CLN3: variants seen among roughly 807,000 people sequenced by gnomAD.
CLN3 encodes CLN3 lysosomal/endosomal transmembrane protein, battenin.
In CLN3, 49 loss-of-function variants were observed where a neutral mutation model predicts 60.7. The ratio of observed to expected loss-of-function variants is 0.81; its 90% CI spans 0.64 to 1.02. The LOEUF is 1.02. Ranked by LOEUF, CLN3 falls within the 50% of genes least tolerant of loss-of-function variation. CLN3 has a pLI of 0.00. For synonymous variants in CLN3, 256 were observed against 245.8 expected, an observed-to-expected ratio of 1.04 and a Z score of -0.39; for missense variants, 516 against 557.4, an observed-to-expected ratio of 0.93 and a Z score of 0.75.
chr16:28,484,294 G>C (rs1049976968), intron 9 of CLN3, 176 bp from the exon 10 acceptor site: 1 of 635,058 alleles, frequency 1.6e-6, no homozygotes, highest in Non-Finnish European at 2.8e-6. Context: ...GTGGACAAAG[G>C]CTTCTTTCTT....
In CLN3 at chr16:28,477,454, G is replaced by T. The variant is rs2046011083; in HGVS notation, c.*62C>A. On this transcript the variant is annotated 3_prime_UTR_variant, in exon 16 of 16. Coordinates refer to ENST00000636147, the MANE Select transcript of CLN3 (RefSeq NM_001042432.2). ...ATGGAGGGTCTCTGGGGTGGGCCTG[G>T]GTGTCTGACCTGTCCCTCTGCCCAC... is the stretch of plus-strand genomic sequence containing the variant. The T allele has an allele frequency of 1.9e-6, 3 of 1,608,160 alleles. No homozygotes were observed. The African/African-American group carries it at 4.0e-5, about 22-fold the overall frequency.
At position 28,482,641 on chromosome 16, in the gene CLN3, C is replaced by T; in HGVS notation, c.822G>A (p.Arg274=). ...GSSSSLSLRE[R]WTVFKGLLWY... ...TCATCCGAACCTTGAACACTGTCCACCTTTCCCGAAGGGAGAGGCTGGAGC... is the reference window on the plus strand; with the variant it reads ...TCATCCGAACCTTGAACACTGTCCATCTTTCCCGAAGGGAGAGGCTGGAGC... The change falls in exon 11 of 16, where the codon AGG becomes AGA. Residue 274 remains arginine, a synonymous_variant. Coordinates refer to ENST00000636147, the MANE Select transcript of CLN3 (RefSeq NM_001042432.2). The T allele has an allele frequency of 6.2e-7, 1 of 1,614,202 alleles. No homozygotes were observed. The highest frequency in any genetic ancestry group is 8.5e-7 in the Non-Finnish European group (1 of 1,180,042).
chr16:28,485,156 G>C (rs2046183808), intron 9 of CLN3, among the ~76,000 whole-genome samples: 2 of 151,472 alleles, frequency 1.3e-5, no homozygotes, highest in African/African-American at 4.8e-5. Context: ...TATTGGCCAG[G>C]CTGGTCTCAA....
chr16:28,477,918 G>C, intron 14 of CLN3, 41 bp from the exon 15 acceptor site: 2 of 1,609,600 alleles, frequency 1.2e-6, no homozygotes, highest in South Asian at 1.1e-5. Flanking sequence ...ACCAGGGCGG[G>C]GCAGGGAAGG....
intron 7 of CLN3, 185 bp downstream of exon 7, chr16:28,487,271 T>C (rs2046235321): frequency 7.5e-6 from 5 of 666,266 alleles, no homozygotes; most frequent in Non-Finnish European, 1.1e-5. Context: ...TTTTCTCCCA[T>C]CTCCTCCACT....
Position 28,491,598 on chromosome 16 carries a change from C to G in CLN3, c.47-38G>C, listed in dbSNP as rs1482574534. ...GAAGAGGGCATGACCCCCACCTACT[C>G]TCAGGTGCACGACCGCTCCTTGCGT... On this transcript the variant is annotated intron_variant, in intron 2 of 15. Coordinates refer to ENST00000636147, the MANE Select transcript of CLN3 (RefSeq NM_001042432.2). 1.9e-6 allele frequency: 3 copies of G among 1,613,500 alleles called. No individual in the cohort carries two copies. The South Asian group carries it at 3.3e-5, about 18-fold the overall frequency.
chr16:28,482,452 A>T, intron 12 of CLN3, 25 bp downstream of exon 12: 1 of 1,613,830 alleles, frequency 6.2e-7, no homozygotes, highest in Non-Finnish European at 8.5e-7. Flanking sequence ...CCACCTCCAC[A>T]CCCCTCCTAG....
chr16:28,470,587 G>A (rs2045941037), downstream of CLN3: 2 of 51,630 alleles, frequency 3.9e-5, no homozygotes, highest in Non-Finnish European at 6.6e-5. Context: ...GGGAGGGGAA[G>A]GGGAGGGGGA....
At chr16:28,474,855 A>C (rs2045978486), downstream of CLN3, among the ~76,000 whole-genome samples, 1 of 152,194 alleles carries the variant, frequency 6.6e-6, no homozygotes, top group Non-Finnish European at 1.5e-5. Flanking sequence ...ATAATCCCAG[A>C]CCTTTGGGAG....
the CLN3 span, among the ~76,000 whole-genome samples, chr16:28,467,556 A>ATT: frequency 7.3e-6 from 1 of 137,560 alleles, no homozygotes; most frequent in African/African-American, 2.7e-5. Flanking sequence ...GTGCCCAGCC[A>ATT]TTTTTTTTTG....
chr16:28,477,758 G>A lies in CLN3; in HGVS notation c.1176C>T (p.Thr392=). The A allele has an allele frequency of 1.2e-6, 2 of 1,614,224 alleles. No homozygotes were observed. The highest frequency in any genetic ancestry group is 1.7e-6 in the Non-Finnish European group (2 of 1,180,050). Residue 392 remains threonine (T), a synonymous_variant, in exon 15 of 16, where the codon ACC becomes ACT. Coordinates refer to ENST00000636147, the MANE Select transcript of CLN3 (RefSeq NM_001042432.2). ...GLLGGAAYVN[T]FHNIALETSD... is the part of the protein sequence containing the mutation. ...TGACCTCCAGGGCGATGTTGTGGAA[G>A]GTGTTCACGTAGGCTGCGCCTCCCA... is the stretch of plus-strand genomic sequence containing the variant.
chr16:28,478,027 G>A, intron 14 of CLN3, 150 bp from the exon 15 acceptor site: 1 of 853,338 alleles, frequency 1.2e-6, no homozygotes, highest in Non-Finnish European at 1.8e-6. Flanking sequence ...GCCCGGTGTG[G>A]TGGCTCACAC....
intron 14 of CLN3, among the ~76,000 whole-genome samples, chr16:28,478,096 G>A (rs1237864829): frequency 1.3e-5 from 2 of 152,040 alleles, no homozygotes; most frequent in South Asian, 2.1e-4. Context: ...TCAGGATTTC[G>A]AGACCAGCCT....
intron 5 of CLN3, 72 bp from the exon 6 acceptor site, chr16:28,487,813 A>G: frequency 7.7e-7 from 1 of 1,302,948 alleles, no homozygotes; most frequent in South Asian, 1.2e-5. Context: ...GGCCAAGGAG[A>G]GGCAGGAGCT....
Position 28,486,583 on chromosome 16 carries a change from G to T in CLN3, c.528C>A (p.Tyr176Ter). 1 of 1,610,828 alleles carries T rather than the reference G, an allele frequency of 6.2e-7. No homozygotes were observed. Among genetic ancestry groups the T allele is most frequent in the Middle Eastern group, 1.7e-4 (1 of 6,060 alleles). Residue 176 changes from tyrosine (Y) to a stop codon, truncating the protein, a stop_gained, in exon 8 of 16, where the codon TAC becomes TAA. Transcript: ENST00000636147. LOFTEE classifies it high-confidence loss of function. ...EVTFLSLTAF[Y>*]PRAVISWWSS... is the part of the protein sequence containing the mutation. ...TCCCTGCTCCACCTGCTTACCTGGGGTAGAAGGCAGTGAGGGAGAGGAAGG... is the reference window on the plus strand; with the variant it reads ...TCCCTGCTCCACCTGCTTACCTGGGTTAGAAGGCAGTGAGGGAGAGGAAGG...
downstream of CLN3, chr16:28,469,944 C>T (rs1201234731): frequency 3.4e-4 from 99 of 290,946 alleles, 1 homozygote; most frequent in African/African-American, 2.3e-3. Flanking sequence ...TGCACTCCAG[C>T]CTGGGCGACA....
chr16:28,487,630 C>G, intron 6 of CLN3, 32 bp downstream of exon 6: 8 of 1,604,462 alleles, frequency 5.0e-6, no homozygotes, highest in Non-Finnish European at 6.8e-6. Context: ...TCAGCTCCTG[C>G]CCACCCTGCC....
At chr16:28,476,645 T>G (rs2045999125), downstream of CLN3, 1 of 152,206 alleles carries the variant, frequency 6.6e-6, no homozygotes, top group South Asian at 2.1e-4. Flanking sequence ...TACATAGATT[T>G]GATGGGGGCT....
Position 28,484,046 on chromosome 16 carries a change from C to A in CLN3, c.750G>T (p.Arg250=). The A allele has an allele frequency of 6.2e-7, 1 of 1,612,176 alleles. No homozygotes were observed. The change falls in exon 10 of 16, where the codon CGG becomes CGT. Residue 250 remains arginine (R), a synonymous_variant. Transcript: ENST00000636147. The part of the protein sequence containing the change: ...GGEEEAESAA[R]QPLIRTEAPE... ...GGGCCTCGGTTCTTATGAGGGGCTG[C>A]CGGGCTGCGCTCTCTGCTTCTTCTT...
Sources: allele counts gnomAD v4.1 joint callset (sites outside exome capture counted in the v4.1 genomes callset), GRCh38; gene constraint gnomAD v4.1.1; transcripts MANE v1.5; gene names NCBI Gene and HGNC (gene_info 2026-07-23, HGNC 2026-07-21).